Variants in FGF14 observed in about 807,000 individuals in gnomAD.
The protein encoded by FGF14 is fibroblast growth factor homologous factor 4.
Under a neutral mutation model 25.5 loss-of-function variants are expected in FGF14, and 5 were observed. The ratio of observed to expected loss-of-function variants is 0.20; its 90% CI spans 0.10 to 0.41. The LOEUF is 0.41. Ranked by LOEUF, FGF14 falls within the 10% of genes least tolerant of loss-of-function variation. The pLI is 1.00. For synonymous variants in FGF14, 138 were observed against 118.3 expected, an observed-to-expected ratio of 1.17 and a Z score of -1.08; for missense variants, 222 against 320.1, an observed-to-expected ratio of 0.69 and a Z score of 2.34.
intron 1 of FGF14, among the ~76,000 whole-genome samples, chr13:101,985,564 C>CTG (rs2139640238): frequency 6.6e-6 from 1 of 152,120 alleles, no homozygotes; most frequent in East Asian, 1.9e-4. Flanking sequence ...TAGTACTGTC[C>CTG]TTCATGGTGT....
At chr13:102,087,028 A>G (rs991090851) in intron 1 of FGF14, among the ~76,000 whole-genome samples, 2 of 152,190 alleles carry the variant, frequency 1.3e-5, no homozygotes, top group Non-Finnish European at 2.9e-5. Context: ...GTAGCATTTG[A>G]GGTCAAGAAA....
intron 1 of FGF14, among the ~76,000 whole-genome samples, chr13:102,242,387 C>G (rs542144211): frequency 1.3e-5 from 2 of 152,122 alleles, no homozygotes; most frequent in East Asian, 3.9e-4. Context: ...TTATAATGAA[C>G]AGAAATTAAT....
chr13:101,723,172 G>C, intron 4 of FGF14: 7 of 627,578 alleles, frequency 1.1e-5, no homozygotes. Context: ...TCTCTGGTCT[G>C]TATACCTAAA....
chr13:101,835,337 G>A (rs2042872534), intron 3 of FGF14, among the ~76,000 whole-genome samples: 1 of 152,000 alleles, frequency 6.6e-6, no homozygotes, highest in African/African-American at 2.4e-5. Context: ...TGATGAAACT[G>A]GACAGTTGCA....
chr13:101,775,900 T>G (rs560890094), intron 3 of FGF14, among the ~76,000 whole-genome samples: 6 of 152,302 alleles, frequency 3.9e-5, no homozygotes, highest in African/African-American at 1.4e-4. Flanking sequence ...GTTCACAAAC[T>G]TCTCAATTAG....
intron 1 of FGF14, among the ~76,000 whole-genome samples, chr13:102,180,219 T>C (rs2048611499): frequency 6.6e-6 from 1 of 152,218 alleles, no homozygotes; most frequent in Non-Finnish European, 1.5e-5. Flanking sequence ...ACAGTATGAA[T>C]GTTAATCATT....
intron 2 of FGF14, among the ~76,000 whole-genome samples, chr13:101,871,466 T>C (rs1271753920): frequency 6.6e-6 from 1 of 152,110 alleles, no homozygotes; most frequent in East Asian, 1.9e-4. Flanking sequence ...TCCTAAATCC[T>C]GTGGGGTGGT....
chr13:102,024,528 A>G (rs777620698), intron 1 of FGF14, among the ~76,000 whole-genome samples: 8 of 152,028 alleles, frequency 5.3e-5, no homozygotes, highest in Non-Finnish European at 8.8e-5. Flanking sequence ...CATAAGATAC[A>G]TGACTTGTAA....
At chr13:102,112,533 A>C (rs2140327742) in intron 1 of FGF14, among the ~76,000 whole-genome samples, 1 of 152,294 alleles carries the variant, frequency 6.6e-6, no homozygotes, top group Non-Finnish European at 1.5e-5. Context: ...CCATGTTTTG[A>C]ATTAACCATT....
chr13:102,153,080 T>C (rs1419278317), intron 1 of FGF14, among the ~76,000 whole-genome samples: 1 of 152,140 alleles, frequency 6.6e-6, no homozygotes, highest in Non-Finnish European at 1.5e-5. Context: ...TGAATTCGCC[T>C]ATAGAGTGAA....
At chr13:102,031,143 A>C in intron 1 of FGF14, among the ~76,000 whole-genome samples, 1 of 152,130 alleles carries the variant, frequency 6.6e-6, no homozygotes, top group East Asian at 1.9e-4. Flanking sequence ...CTATTATGTA[A>C]CAACCCAGAA....
intron 1 of FGF14, among the ~76,000 whole-genome samples, chr13:101,936,362 G>A (rs2035103723): frequency 6.6e-6 from 1 of 152,144 alleles, no homozygotes; most frequent in Non-Finnish European, 1.5e-5. Context: ...TTGCCTTCAG[G>A]TGCCCTAAAG....
At chr13:102,124,494 T>C (rs16959772) in intron 1 of FGF14, among the ~76,000 whole-genome samples, 10,977 of 152,196 alleles carry the variant, frequency 0.072, 466 homozygotes, top group Non-Finnish European at 0.097. Flanking sequence ...GCCAATTTTC[T>C]GTAGTACTGG....
chr13:102,218,586 C>T (rs181925526), intron 1 of FGF14, among the ~76,000 whole-genome samples: 36 of 151,788 alleles, frequency 2.4e-4, no homozygotes, highest in African/African-American at 8.2e-4. Flanking sequence ...TGATGGGGTT[C>T]CCATCATTGA....
chr13:101,789,383 C>T (rs1167631879), intron 3 of FGF14, among the ~76,000 whole-genome samples: 1 of 151,998 alleles, frequency 6.6e-6, no homozygotes, highest in Non-Finnish European at 1.5e-5. Flanking sequence ...GCCTTCATGC[C>T]CCAGTTTCTG....
At position 101,713,445 on chromosome 13, in the gene FGF14, AAAAG is replaced by A. The variant is rs2139612969; in HGVS notation, c.*9382_*9385del. The A allele has an allele frequency of 6.6e-6, 1 of 152,328 alleles. No individual in the cohort carries two copies. The highest frequency in any genetic ancestry group is 2.4e-5 in the African/African-American group (1 of 41,576). The allele number at this position is 152,328 out of a possible 1,614,324, so 9.4% of individuals were successfully genotyped here. A position where few individuals can be genotyped will look rare whatever the true frequency, so the allele number is the denominator to read the frequency against. On this transcript the variant is annotated 3_prime_UTR_variant, in exon 5 of 5. Coordinates refer to ENST00000376143, the MANE Select transcript of FGF14 (RefSeq NM_004115.4). ...ATTTTTTCAACGTGATTTTGACTCA[AAAAG>A]AATACAGCCATCTTTTAGTAAATGG... is the stretch of plus-strand genomic sequence containing the variant.
chr13:102,161,570 A>AAAGAAGAAAGAAGAAAG (rs1555369389), intron 1 of FGF14, among the ~76,000 whole-genome samples: 58 of 5,650 alleles, frequency 0.01, 13 homozygotes, highest in Non-Finnish European at 0.013. Context: ...TTCTGTGAAG[A>AAAGAAGAAAGAAGAAAG]AAGAAAGAAG....
chr13:102,086,210 A>G (rs1396713727), intron 1 of FGF14, among the ~76,000 whole-genome samples: 1 of 152,260 alleles, frequency 6.6e-6, no homozygotes, highest in East Asian at 1.9e-4. Flanking sequence ...GCTAATTTCA[A>G]CTCCAAATAC....
intron 1 of FGF14, among the ~76,000 whole-genome samples, chr13:102,105,852 C>T (rs2044881787): frequency 6.6e-6 from 1 of 152,144 alleles, no homozygotes; most frequent in Non-Finnish European, 1.5e-5. Flanking sequence ...GGATTCAATG[C>T]ATAATGTGTT....
Sources: allele counts gnomAD v4.1 joint callset (sites outside exome capture counted in the v4.1 genomes callset), GRCh38; gene constraint gnomAD v4.1.1; transcripts MANE v1.5; gene names NCBI Gene and HGNC (gene_info 2026-07-23, HGNC 2026-07-21).